ZDHHC17: variants seen among roughly 807,000 people sequenced by gnomAD.
ZDHHC17 encodes the protein zDHHC palmitoyltransferase 17, also known as palmitoyltransferase ZDHHC17.
ZDHHC17 carries 40 observed loss-of-function variants against 90.3 expected under a neutral mutation model. The observed-to-expected ratio is 0.44, with a 90% CI of 0.34 to 0.58. ZDHHC17 has a LOEUF of 0.58. Ranked by LOEUF, ZDHHC17 falls within the 20% of genes least tolerant of loss-of-function variation. The pLI, the probability that ZDHHC17 is intolerant of heterozygous loss-of-function variation, is 0.01. For synonymous variants in ZDHHC17, 235 were observed against 252.4 expected (o/e 0.93, Z 0.65); for missense variants, 614 against 780.8 (o/e 0.79, Z 2.55).
intron 1 of ZDHHC17, among the ~76,000 whole-genome samples, chr12:76,774,003 A>G (rs1952526573): frequency 6.6e-6 from 1 of 152,150 alleles, no homozygotes; most frequent in Non-Finnish European, 1.5e-5. Context: ...AAATCCCAGC[A>G]CTTTGGGAGG....
In ZDHHC17 at chr12:76,814,847, T is replaced by C. The variant is rs557642800; in HGVS notation, c.544-299T>C. On this transcript the variant is annotated intron_variant, in intron 5 of 16. Coordinates refer to ENST00000426126, the MANE Select transcript of ZDHHC17 (RefSeq NM_015336.4). ...ACAAGTTTTTCAGAAACTTAATCAC[T>C]TAACCTATCCTTTGTGGTTGAAAGG... Among the ~76,000 whole-genome samples, 267 of 152,158 alleles carry C rather than the reference T, an allele frequency of 1.8e-3. 2 individuals are homozygous for C. The highest frequency in any genetic ancestry group is 6.3e-3 in the African/African-American group (260 of 41,566).
chr12:76,807,646 C>T (rs984981375), intron 3 of ZDHHC17, among the ~76,000 whole-genome samples: 1 of 151,990 alleles, frequency 6.6e-6, no homozygotes, highest in African/African-American at 2.4e-5. Flanking sequence ...GAAAAGTTCC[C>T]TCTCCTTGTG....
chr12:76,812,553 CAAT>C (rs1953037607), intron 5 of ZDHHC17, among the ~76,000 whole-genome samples: 1 of 152,046 alleles, frequency 6.6e-6, no homozygotes. Flanking sequence ...CGACTGTAGT[CAAT>C]AATATTGTTT....
intron 1 of ZDHHC17, among the ~76,000 whole-genome samples, chr12:76,794,921 C>T (rs1009735286): frequency 1.3e-5 from 2 of 152,080 alleles, no homozygotes; most frequent in African/African-American, 4.8e-5. Context: ...AAAAGAATAG[C>T]ATTTTGCCGT....
At chr12:76,792,746 T>A (rs764491045) in intron 1 of ZDHHC17, among the ~76,000 whole-genome samples, 5 of 152,214 alleles carry the variant, frequency 3.3e-5, no homozygotes, top group Non-Finnish European at 7.3e-5. Flanking sequence ...TGAAATCATT[T>A]TATGTTCCCC....
intron 10 of ZDHHC17, among the ~76,000 whole-genome samples, chr12:76,839,682 G>A (rs1587111): frequency 0.61 from 92,182 of 151,326 alleles, 28,072 homozygotes; most frequent in East Asian, 0.67. Context: ...CTTTAATTCG[G>A]GGGCTGTTTA....
rs780643142 is a variant in ZDHHC17 at position 76,850,801 on chromosome 12, C to A, written c.1761-46C>A. On this transcript the variant is annotated intron_variant, in intron 16 of 16. Coordinates refer to ENST00000426126, the MANE Select transcript of ZDHHC17 (RefSeq NM_015336.4). ...ATTATATTGAATTCATGTATTAAAT[C>A]ATTTGTACTGACTGACGTGTTTTCT... The A allele has an allele frequency of 2.5e-6, 4 of 1,587,322 alleles. No homozygotes were observed. In the African/African-American group the frequency reaches 4.1e-5, roughly 16 times the overall value.
intron 16 of ZDHHC17, 163 bp downstream of exon 16, chr12:76,849,633 A>G (rs142892524): frequency 8.0e-5 from 40 of 502,848 alleles, no homozygotes; most frequent in African/African-American, 5.3e-4. Context: ...AGAATTCATC[A>G]CATTAACTGT....
At chr12:76,801,016 T>G (rs1238844120) in intron 2 of ZDHHC17, among the ~76,000 whole-genome samples, 1 of 150,824 alleles carries the variant, frequency 6.6e-6, no homozygotes. Flanking sequence ...GCCTCCTAAG[T>G]AGCTGGGATT....
chr12:76,774,577 A>T (rs1012428203), intron 1 of ZDHHC17, among the ~76,000 whole-genome samples: 23 of 152,266 alleles, frequency 1.5e-4, no homozygotes, highest in African/African-American at 4.6e-4. Flanking sequence ...TTGTTACTGG[A>T]CCACATTCTT....
At chr12:76,837,065 T>C (rs1476835900) in intron 10 of ZDHHC17, among the ~76,000 whole-genome samples, 2 of 152,342 alleles carry the variant, frequency 1.3e-5, no homozygotes, top group African/African-American at 4.8e-5. Flanking sequence ...CTTTAGATTT[T>C]GTTTATTTAT....
At chr12:76,819,418 G>A (rs1953132482) in intron 7 of ZDHHC17, among the ~76,000 whole-genome samples, 1 of 152,088 alleles carries the variant, frequency 6.6e-6, no homozygotes, top group Non-Finnish European at 1.5e-5. Context: ...GTTGATAATA[G>A]TGGATTGTAA....
chr12:76,797,570 A>G (rs746681466), intron 2 of ZDHHC17, 33 bp downstream of exon 2: 5 of 1,490,498 alleles, frequency 3.4e-6, no homozygotes, highest in Admixed American at 2.0e-5. Context: ...TTTCTTTGGC[A>G]TGTGTATTTC....
At chr12:76,835,034 T>G (rs1470378078) in intron 10 of ZDHHC17, among the ~76,000 whole-genome samples, 2 of 150,570 alleles carry the variant, frequency 1.3e-5, no homozygotes, top group East Asian at 3.9e-4. Context: ...ATAAGCTCTT[T>G]GAGTTCCGCG....
chr12:76,786,003 A>C (rs1418362059), intron 1 of ZDHHC17, among the ~76,000 whole-genome samples: 1 of 152,222 alleles, frequency 6.6e-6, no homozygotes, highest in East Asian at 1.9e-4. Flanking sequence ...TAATATTAAT[A>C]CAGAGGAAGG....
At chr12:76,770,926 CAAAAAA>C (rs34292734) in intron 1 of ZDHHC17, among the ~76,000 whole-genome samples, 4 of 76,176 alleles carry the variant, frequency 5.3e-5, no homozygotes, top group African/African-American at 2.0e-4. Flanking sequence ...AACTCCATCT[CAAAAAA>C]AAAAAAAAAA....
At chr12:76,842,822 T>G (rs532231853) in intron 11 of ZDHHC17, 97 bp from the exon 12 acceptor site, 15 of 852,654 alleles carry the variant, frequency 1.8e-5, no homozygotes, top group Middle Eastern at 2.3e-4. Context: ...ATCAGTAAAT[T>G]AAAGATGAAA....
intron 10 of ZDHHC17, among the ~76,000 whole-genome samples, chr12:76,838,797 A>G (rs1953399143): frequency 6.6e-6 from 1 of 152,194 alleles, no homozygotes; most frequent in African/African-American, 2.4e-5. Context: ...TGACTTGTTC[A>G]AATTATCTAC....
At chr12:76,764,825 GTAGCACCTC>G in intron 1 of ZDHHC17, 1 of 456,586 alleles carries the variant, frequency 2.2e-6, no homozygotes, top group South Asian at 1.5e-5. Flanking sequence ...AATGCCATGG[GTAGCACCTC>G]GGGCACCTTG....
Sources: gnomAD v4.1 joint callset for allele counts (sites outside exome capture counted in the v4.1 genomes callset) on GRCh38, gnomAD v4.1.1 for gene constraint, MANE v1.5 for transcripts, NCBI Gene and HGNC (gene_info 2026-07-23, HGNC 2026-07-21) for gene names.